The following DIS3 variants were observed in gnomAD, a reference collection of about 807,000 sequenced individuals.
DIS3 encodes the protein DIS3 exosome endoribonuclease and 3'-5' exoribonuclease.
Under a neutral mutation model 113.0 loss-of-function variants are expected in DIS3, and 103 were observed. That is an observed-to-expected ratio of 0.91 (90% confidence interval 0.78 to 1.07). DIS3 has a LOEUF of 1.07. Ranked by LOEUF, DIS3 falls within the 50% of genes least tolerant of loss-of-function variation. DIS3 has a pLI of 0.00. For synonymous variants in DIS3, 402 were observed against 394.3 expected, an observed-to-expected ratio of 1.02 and a Z score of -0.23; for missense variants, 1,121 against 1,167.1, an observed-to-expected ratio of 0.96 and a Z score of 0.58.
At position 72,761,773 on chromosome 13, in the gene DIS3, A is replaced by G. The variant is rs2033630937; in HGVS notation, c.2384T>C (p.Ile795Thr). 2 of 1,613,514 alleles carry G rather than the reference A, an allele frequency of 1.2e-6. No individual in the cohort carries two copies. Among genetic ancestry groups the G allele is most frequent in the South Asian group, 2.2e-5 (2 of 90,804 alleles). The stretch of plus-strand genomic sequence containing the variant: ...CTCTGGATAAGTACAGTCAGCCCCA[A>G]TAGCCACAGCCAAAAGCCGATGAAC... Reference protein sequence around the residue: ...VIVHRLLAVAIGADCTYPELT... With the variant: ...VIVHRLLAVATGADCTYPELT... The change falls in exon 18 of 21, where the codon ATT (isoleucine) becomes ACT (threonine). Residue 795 changes from isoleucine to threonine, a missense_variant. Physicochemically the swap from Ile to Thr is moderately conservative, Grantham distance 89. This residue lies in a region of DIS3 where 861 missense variants were observed against 915.5 expected (regional missense o/e 0.94). Transcript: ENST00000377767.
rs1208476865 is a variant in DIS3, at chr13:72,770,828, T to TA, written c.1755+75dup. The TA allele has an allele frequency of 1.3e-5, 13 of 1,027,254 alleles. No homozygotes were observed. In the Admixed American group the frequency reaches 4.1e-4, roughly 32 times the overall value. 63.6% of individuals were successfully genotyped at this position (1,027,254 alleles called of 1,614,324 possible). ...GTATATATACGTACATGTGAATCTTTAAAAAATTTATTTAGCTTTTTTCAA... is the reference window on the plus strand; with the variant it reads ...GTATATATACGTACATGTGAATCTTTAAAAAAATTTATTTAGCTTTTTTCAA... On this transcript the variant is annotated intron_variant, in intron 13 of 20. Coordinates refer to ENST00000377767, the MANE Select transcript of DIS3 (RefSeq NM_014953.5).
Position 72,759,895 on chromosome 13 carries a change from G to A in DIS3, c.2794-17C>T, listed in dbSNP as rs761685327. ...TCCTGGTATCTAAAGTAATGCAAAT[G>A]GGGGGAAATAAGGTGATTTAAAGGA... On this transcript the variant is annotated splice_polypyrimidine_tract_variant and intron_variant, in intron 20 of 20. Transcript: ENST00000377767. 1.3e-6 allele frequency: 2 copies of A among 1,588,632 alleles called. No homozygotes were observed. The highest frequency in any genetic ancestry group is 1.1e-5 in the South Asian group (1 of 89,830).
rs373230191 is a variant in DIS3 at position 72,775,945 on chromosome 13, C to T, written c.802G>A (p.Asp268Asn). ...CTTGCCTCTTTATTTTCTTCATTGT[C>T]GCCATGAATCCATACTGTAGCTTCC... is the stretch of plus-strand genomic sequence containing the variant. ...YLEATVWIHG[D>N]NEENKEIILQ... Residue 268 changes from aspartate (D) to asparagine (N), a missense_variant, in exon 5 of 21, where the codon GAC becomes AAC. Asp to Asn is a conservative substitution (Grantham distance 23). Transcript: ENST00000377767. The T allele has an allele frequency of 3.2e-5, 51 of 1,604,016 alleles. No homozygotes were observed. The East Asian group carries it at 4.0e-4, about 13-fold the overall frequency.
chr13:72,762,842 A>T (rs1431373067), intron 16 of DIS3, among the ~76,000 whole-genome samples: 1 of 152,184 alleles, frequency 6.6e-6, no homozygotes, highest in Admixed American at 6.5e-5. Context: ...AAAAAAAAAA[A>T]ATACATTATT....
rs1159714898 is a variant in DIS3, at chr13:72,781,791, G to C, written c.42C>G (p.Gly14=). ...SKTFLKKTRA[G]GVMKIVREHY... ...GCTCGCGCACGATCTTCATCACGCC[G>C]CCCGCCCGGGTCTTTTTTAAGAACG... is the stretch of plus-strand genomic sequence containing the variant. The change falls in exon 1 of 21, where the codon GGC becomes GGG. Residue 14 remains glycine (G), a synonymous_variant. Coordinates refer to ENST00000377767, the MANE Select transcript of DIS3 (RefSeq NM_014953.5). The C allele has an allele frequency of 1.9e-6, 3 of 1,604,062 alleles. No homozygotes were observed. The South Asian group carries it at 3.3e-5, about 18-fold the overall frequency.
At position 72,753,924 on chromosome 13, in the gene DIS3, A is replaced by T. The variant is rs2033356866; in HGVS notation, c.*5871T>A. The T allele has an allele frequency of 8.5e-7, 1 of 1,173,950 alleles. No homozygotes were observed. The allele number at this position is 1,173,950 out of a possible 1,614,324, so 72.7% of individuals were successfully genotyped here. A position where few individuals can be genotyped will look rare whatever the true frequency, so the allele number is the denominator to read the frequency against. On this transcript the variant is annotated 3_prime_UTR_variant, in exon 21 of 21. Coordinates refer to ENST00000377767, the MANE Select transcript of DIS3 (RefSeq NM_014953.5). ...ACTATTGAGAAACTATATGAAATTT[A>T]AAACACTAAAAGGTAAGCCTGTTTT...
chr13:72,761,297 C>A (rs1329008528), intron 19 of DIS3, 66 bp downstream of exon 19: 13 of 1,538,594 alleles, frequency 8.4e-6, no homozygotes, highest in East Asian at 2.3e-5. Flanking sequence ...TTTATAGGTA[C>A]CATTTATGAA....
rs2033475582 is a variant in DIS3, at chr13:72,756,438, G to C, written c.*3357C>G. On this transcript the variant is annotated 3_prime_UTR_variant, in exon 21 of 21. Coordinates refer to ENST00000377767, the MANE Select transcript of DIS3 (RefSeq NM_014953.5). ...ACCTAAAAGGAGTTCTGGGTACTAA[G>C]GGTAGAAGCCTCACTGGCTACAGTT... 1 of 152,362 alleles carries C rather than the reference G, an allele frequency of 6.6e-6. No individual in the cohort carries two copies. Among genetic ancestry groups the C allele is most frequent in the Admixed American group, 6.5e-5 (1 of 15,288 alleles). The allele number at this position is 152,362 out of a possible 1,614,324, so 9.4% of individuals were successfully genotyped here.
rs535546783 is a variant in DIS3 at position 72,760,014 on chromosome 13, AG to A, written c.2794-137del. On this transcript the variant is annotated intron_variant, in intron 20 of 20. Coordinates refer to ENST00000377767, the MANE Select transcript of DIS3 (RefSeq NM_014953.5). ...AGGGAGGGGAAAGGGGGCTAATTAA[AG>A]GTTTTATACACAGAAGGTATTTTAC... is the stretch of plus-strand genomic sequence containing the variant. 3,382 of 687,704 alleles carry A rather than the reference AG, an allele frequency of 4.9e-3. 45 individuals carry two copies. The highest frequency in any genetic ancestry group is 5.1e-3 in the South Asian group (271 of 53,070). 42.6% of individuals were successfully genotyped at this position (687,704 alleles called of 1,614,324 possible). A position where few individuals can be genotyped will look rare whatever the true frequency, so the allele number is the denominator to read the frequency against.
chr13:72,778,392 G>C lies in DIS3; in HGVS notation c.387-12C>G. 6.6e-7 allele frequency: 1 copy of C among 1,525,426 alleles called. No individual in the cohort carries two copies. The highest frequency in any genetic ancestry group is 8.9e-7 in the Non-Finnish European group (1 of 1,123,694). The allele number at this position is 1,525,426 out of a possible 1,614,324, so 94.5% of individuals were successfully genotyped here. ...CTACATAGGTTTCTCTAAATGGAAA[G>C]AAAAAACGAAATAAAAGGAAATCAG... is the stretch of plus-strand genomic sequence containing the variant. On this transcript the variant is annotated splice_polypyrimidine_tract_variant and intron_variant, in intron 2 of 20. Transcript: ENST00000377767.
chr13:72,773,654 C>A (rs1379260259), intron 8 of DIS3, 30 bp downstream of exon 8: 5 of 1,583,310 alleles, frequency 3.2e-6, no homozygotes, highest in Non-Finnish European at 4.3e-6. Context: ...AATTAAACAT[C>A]CCCACATAAA....
Position 72,777,254 on chromosome 13 carries a change from T to G in DIS3, c.654+166A>C, listed in dbSNP as rs576970569. 2.6e-5 allele frequency among the ~76,000 whole-genome samples: 4 copies of G among 152,244 alleles called. No individual in the cohort carries two copies. The South Asian group carries it at 8.3e-4, about 32-fold the overall frequency. ...TTTAGAAAGTTAACTCCTTTAGGAA[T>G]GGCATTTCAATAAGCCTATGACATC... On this transcript the variant is annotated intron_variant, in intron 4 of 20. Coordinates refer to ENST00000377767, the MANE Select transcript of DIS3 (RefSeq NM_014953.5).
chr13:72,777,645 C>T (rs1342370355), intron 3 of DIS3, 152 bp from the exon 4 acceptor site: 7 of 698,980 alleles, frequency 1.0e-5, no homozygotes, highest in South Asian at 3.6e-5. Context: ...TGGAGTGCAG[C>T]GGCGCAATTA....
At chr13:72,762,165 C>A (rs961900588) in intron 16 of DIS3, 28 bp from the exon 17 acceptor site, 44 of 1,571,016 alleles carry the variant, frequency 2.8e-5, no homozygotes, top group Non-Finnish European at 3.6e-5. Context: ...GGAAGAGCAC[C>A]ATATTAAACA....
intron 20 of DIS3, among the ~76,000 whole-genome samples, chr13:72,760,300 G>T (rs1336770756): frequency 6.6e-6 from 1 of 152,122 alleles, no homozygotes; most frequent in Non-Finnish European, 1.5e-5. Context: ...GCAGGAGAAT[G>T]GAAGACCTTT....
chr13:72,769,344 G>A (rs2033831316), intron 13 of DIS3, among the ~76,000 whole-genome samples: 1 of 152,026 alleles, frequency 6.6e-6, no homozygotes, highest in Admixed American at 6.6e-5. Context: ...ATGTTTTGCA[G>A]GAAATCCAGT....
chr13:72,765,126 T>C (rs1050847420), intron 15 of DIS3, among the ~76,000 whole-genome samples: 1 of 151,958 alleles, frequency 6.6e-6, no homozygotes, highest in African/African-American at 2.4e-5. Flanking sequence ...TAAACCCTGA[T>C]TTAACAAAAA....
chr13:72,780,991 C>T lies in DIS3; in HGVS notation c.241G>A (p.Glu81Lys). The T allele has an allele frequency of 1.9e-6, 3 of 1,602,060 alleles. No individual in the cohort carries two copies. The highest frequency in any genetic ancestry group is 2.5e-6 in the Non-Finnish European group (3 of 1,176,856). The change falls in exon 2 of 21, where the codon GAG becomes AAG. Residue 81 changes from glutamate to lysine, a missense_variant. Transcript: ENST00000377767. ...NVLLHQIDVL[E>K]DPAIRNVIVL... ...ATTACATTCCTGATGGCAGGGTCCTCAAGAACATCAATCTTAAAGAAAGAT... is the reference window on the plus strand; with the variant it reads ...ATTACATTCCTGATGGCAGGGTCCTTAAGAACATCAATCTTAAAGAAAGAT...
chr13:72,773,848 T>C, intron 7 of DIS3, 27 bp from the exon 8 acceptor site: 1 of 1,597,012 alleles, frequency 6.3e-7, no homozygotes, highest in African/African-American at 1.4e-5. Flanking sequence ...ATAAAGATTT[T>C]ACACAAAAAA....
Sources: gnomAD v4.1 joint callset for allele counts (sites outside exome capture counted in the v4.1 genomes callset) on GRCh38, gnomAD v4.1.1 for gene constraint, gnomAD v4.1.1 regional missense constraint, MANE v1.5 for transcripts, NCBI Gene and HGNC (gene_info 2026-07-23, HGNC 2026-07-21) for gene names.